The following SMYD3 variants were observed in gnomAD, a reference collection of about 807,000 sequenced individuals.
The protein encoded by SMYD3 is SET and MYND domain containing 3.
A neutral mutation model predicts 57.7 loss-of-function variants in SMYD3; 36 were observed. That is an observed-to-expected ratio of 0.62 (90% CI 0.48 to 0.82). The LOEUF (loss-of-function observed/expected upper bound fraction) is 0.82, where lower values mean the gene tolerates loss of function less well. Ranked by LOEUF, SMYD3 falls within the 40% of genes least tolerant of loss-of-function variation. The pLI is 0.00. For synonymous variants in SMYD3, 211 were observed against 195.0 expected (o/e 1.08, Z -0.68); for missense variants, 515 against 538.8 (o/e 0.96, Z 0.44).
intron 3 of SMYD3, among the ~76,000 whole-genome samples, chr1:246,333,191 A>T (rs900519616): frequency 1.3e-5 from 2 of 152,240 alleles, no homozygotes; most frequent in African/African-American, 2.4e-5. Flanking sequence ...ACCGGAGTTC[A>T]GAAGATTCAG....
intron 10 of SMYD3, among the ~76,000 whole-genome samples, chr1:245,810,437 C>T (rs183896404): frequency 6.7e-4 from 102 of 152,196 alleles, no homozygotes; most frequent in Admixed American, 2.6e-3. Flanking sequence ...GAACTCTAAG[C>T]ATCCTTGTAC....
intron 5 of SMYD3, among the ~76,000 whole-genome samples, chr1:245,942,112 A>T (rs943219707): frequency 6.6e-6 from 1 of 152,250 alleles, no homozygotes; most frequent in African/African-American, 2.4e-5. Context: ...TGACAGGATC[A>T]AATTCACACA....
intron 10 of SMYD3, among the ~76,000 whole-genome samples, chr1:245,810,637 G>C (rs941845644): frequency 1.3e-5 from 2 of 152,176 alleles, no homozygotes; most frequent in Admixed American, 6.5e-5. Flanking sequence ...GACCTGAGCA[G>C]CAGTTTCAGG....
chr1:246,332,642 C>A (rs557931078), intron 3 of SMYD3, among the ~76,000 whole-genome samples: 1 of 152,192 alleles, frequency 6.6e-6, no homozygotes, highest in Admixed American at 6.5e-5. Flanking sequence ...CCTGTCTCTA[C>A]TAAAAGTACA....
intron 10 of SMYD3, among the ~76,000 whole-genome samples, chr1:245,822,679 G>C (rs892857506): frequency 5.3e-5 from 8 of 152,052 alleles, no homozygotes; most frequent in Admixed American, 2.0e-4. Context: ...CTCCGCTGAG[G>C]GTGAAGCCTC....
intron 1 of SMYD3, among the ~76,000 whole-genome samples, chr1:246,385,562 C>T (rs1021755127): frequency 5.9e-5 from 9 of 152,044 alleles, no homozygotes; most frequent in Admixed American, 1.3e-4. Flanking sequence ...TTAAAATTAA[C>T]ACTAGAAATG....
chr1:245,754,179 T>C (rs1462040259), intron 11 of SMYD3, among the ~76,000 whole-genome samples: 1 of 152,098 alleles, frequency 6.6e-6, no homozygotes, highest in Non-Finnish European at 1.5e-5. Context: ...TTAAGTAATT[T>C]TAGAATTGTG....
intron 10 of SMYD3, among the ~76,000 whole-genome samples, chr1:245,850,575 G>A (rs1003479245): frequency 1.3e-5 from 2 of 151,920 alleles, no homozygotes; most frequent in Non-Finnish European, 2.9e-5. Context: ...GTGTGCCTGT[G>A]GTCCCCCCTC....
intron 5 of SMYD3, among the ~76,000 whole-genome samples, chr1:246,237,976 TCCTTTC>T (rs1403348229): frequency 2.0e-5 from 3 of 152,210 alleles, no homozygotes; most frequent in Non-Finnish European, 4.4e-5. Context: ...TTGAAAATTT[TCCTTTC>T]CCTAATACAC....
chr1:245,812,282 T>C (rs1390467804), intron 10 of SMYD3, among the ~76,000 whole-genome samples: 1 of 152,204 alleles, frequency 6.6e-6, no homozygotes, highest in Non-Finnish European at 1.5e-5. Flanking sequence ...GCTTCACCTT[T>C]GCATAGAGGA....
intron 5 of SMYD3, chr1:246,109,819 A>T (rs1179149378): frequency 6.6e-6 from 1 of 152,230 alleles, no homozygotes; most frequent in Non-Finnish European, 1.5e-5. Context: ...AAAGCAGCCC[A>T]GTCTTACTAT....
chr1:245,774,501 G>A (rs945528516), intron 10 of SMYD3, among the ~76,000 whole-genome samples: 21 of 152,194 alleles, frequency 1.4e-4, no homozygotes, highest in African/African-American at 5.1e-4. Flanking sequence ...AGATTGAAGA[G>A]CTGAAGGGTG....
chr1:246,256,042 G>A (rs1193552076), intron 5 of SMYD3, among the ~76,000 whole-genome samples: 1 of 151,848 alleles, frequency 6.6e-6, no homozygotes, highest in Non-Finnish European at 1.5e-5. Flanking sequence ...AGATATAAAC[G>A]GGAGTTTGTT....
chr1:245,860,762 G>A (rs2051498873), intron 9 of SMYD3, among the ~76,000 whole-genome samples: 1 of 152,246 alleles, frequency 6.6e-6, no homozygotes, highest in African/African-American at 2.4e-5. Context: ...GCAACGCACT[G>A]ATTTTGTAAC....
chr1:246,265,702 T>C (rs2064092824), intron 5 of SMYD3, among the ~76,000 whole-genome samples: 1 of 147,484 alleles, frequency 6.8e-6, no homozygotes, highest in Admixed American at 7.2e-5. Context: ...CCAGTGACCA[T>C]CACATGTCTT....
intron 5 of SMYD3, among the ~76,000 whole-genome samples, chr1:245,945,762 C>A (rs1323210464): frequency 6.6e-6 from 1 of 152,120 alleles, no homozygotes; most frequent in East Asian, 1.9e-4. Flanking sequence ...ACATATACAC[C>A]ATGGAATACT....
chr1:246,500,257 G>C (rs527542846), intron 1 of SMYD3, among the ~76,000 whole-genome samples: 6 of 152,272 alleles, frequency 3.9e-5, no homozygotes, highest in Middle Eastern at 3.4e-3. Context: ...AGCCTTTTTG[G>C]CTTTTTCGAT....
chr1:246,002,712 A>G (rs1267404582), intron 5 of SMYD3, among the ~76,000 whole-genome samples: 4 of 149,556 alleles, frequency 2.7e-5, no homozygotes, highest in Non-Finnish European at 5.9e-5. Flanking sequence ...TCAGCCTCCC[A>G]AAGTGCTGGG....
chr1:245,952,595 C>G (rs1173779190), intron 5 of SMYD3, among the ~76,000 whole-genome samples: 1 of 152,110 alleles, frequency 6.6e-6, no homozygotes, highest in Non-Finnish European at 1.5e-5. Flanking sequence ...TCACTGTTAC[C>G]ACTGTTCTCA....
Sources: allele counts gnomAD v4.1 joint callset (sites outside exome capture counted in the v4.1 genomes callset), GRCh38; gene constraint gnomAD v4.1.1; transcripts MANE v1.5; gene names NCBI Gene and HGNC (gene_info 2026-07-23, HGNC 2026-07-21).